RANBP2: variants seen among roughly 807,000 people sequenced by gnomAD.
The protein encoded by RANBP2 is E3 SUMO-protein ligase RanBP2.
Under a neutral mutation model 303.6 loss-of-function variants are expected in RANBP2, and 57 were observed. The observed-to-expected ratio is 0.19, with a 90% CI of 0.15 to 0.23. The LOEUF (loss-of-function observed/expected upper bound fraction) is 0.23, where lower values mean the gene tolerates loss of function less well. Ranked by LOEUF, RANBP2 falls within the 10% of genes least tolerant of loss-of-function variation. The pLI, the probability that RANBP2 is intolerant of heterozygous loss-of-function variation, is 1.00. For synonymous variants in RANBP2, 1,167 were observed against 1,301.5 expected (o/e 0.90, Z 2.23); for missense variants, 3,138 against 3,780.8 (o/e 0.83, Z 4.46).
the RANBP2 span, chr2:108,940,200 GC>G: frequency 6.6e-6 from 1 of 152,316 alleles, no homozygotes; most frequent in Non-Finnish European, 1.5e-5. Flanking sequence ...AAAGATGACT[GC>G]CATTATTACG....
the RANBP2 span, chr2:109,613,309 C>A: frequency 1.9e-6 from 1 of 528,600 alleles, no homozygotes; most frequent in Non-Finnish European, 2.9e-6. Flanking sequence ...GGTTTAAAAT[C>A]CCAATGGAGG....
chr2:109,196,671 G>C, the RANBP2 span, among the ~76,000 whole-genome samples: 31 of 152,330 alleles, frequency 2.0e-4, no homozygotes, highest in Middle Eastern at 3.4e-3. Flanking sequence ...AGGTCTGGTT[G>C]CAGTGAGGGG....
chr2:109,628,141 C>T, the RANBP2 span, among the ~76,000 whole-genome samples: 39 of 152,116 alleles, frequency 2.6e-4, no homozygotes, highest in Non-Finnish European at 4.6e-4. Flanking sequence ...CCTGCAGCCA[C>T]CCTCCATCAT....
At chr2:109,394,157 T>A in the RANBP2 span, among the ~76,000 whole-genome samples, 1 of 152,242 alleles carries the variant, frequency 6.6e-6, no homozygotes, top group African/African-American at 2.4e-5. Context: ...TCTTCAGTTT[T>A]TCTTACCTTT....
chr2:108,997,603 G>T, the RANBP2 span, among the ~76,000 whole-genome samples: 1 of 151,848 alleles, frequency 6.6e-6, no homozygotes, highest in South Asian at 2.1e-4. Context: ...TTAAGACACT[G>T]CTCTGTGGCC....
At chr2:109,442,640 C>A in the RANBP2 span, among the ~76,000 whole-genome samples, 1 of 152,044 alleles carries the variant, frequency 6.6e-6, no homozygotes, top group African/African-American at 2.4e-5. Flanking sequence ...TACTATGAAT[C>A]TTTATGTTAT....
chr2:108,878,072 A>G, the RANBP2 span, among the ~76,000 whole-genome samples: 198 of 152,344 alleles, frequency 1.3e-3, no homozygotes, highest in African/African-American at 4.6e-3. Context: ...ACTATTCTGG[A>G]GAAAGAAATG....
the RANBP2 span, among the ~76,000 whole-genome samples, chr2:109,151,264 C>T: frequency 6.6e-6 from 1 of 152,162 alleles, no homozygotes; most frequent in African/African-American, 2.4e-5. Context: ...GTTTGTGGGG[C>T]TCCATGTTTG....
chr2:108,764,170 T>C lies in RANBP2; in HGVS notation c.3631T>C (p.Trp1211Arg). The C allele has an allele frequency of 1.2e-6, 2 of 1,614,016 alleles. No homozygotes were observed. Among genetic ancestry groups the C allele is most frequent in the African/African-American group, 1.3e-5 (1 of 75,014 alleles). ...TCGTTTCGATGTAGAATCCAAAGAA[T>C]GGAAAGAACGTGGGATTGGCAATGT... Reference protein sequence around the residue: ...LFRFDVESKEWKERGIGNVKI... With the variant: ...LFRFDVESKERKERGIGNVKI... Residue 1211 changes from tryptophan (W) to arginine (R), a missense_variant, in exon 20 of 29, where the codon TGG (tryptophan) becomes CGG (arginine). Trp to Arg is a moderately radical substitution (Grantham distance 101). Coordinates refer to ENST00000283195, the MANE Select transcript of RANBP2 (RefSeq NM_006267.5).
the RANBP2 span, among the ~76,000 whole-genome samples, chr2:109,181,562 C>G: frequency 6.6e-6 from 1 of 152,210 alleles, no homozygotes; most frequent in Non-Finnish European, 1.5e-5. Flanking sequence ...ATGCCACACT[C>G]CTACTTTCAC....
intron 4 of RANBP2, among the ~76,000 whole-genome samples, chr2:108,732,531 T>G (rs185474788): frequency 6.6e-6 from 1 of 152,314 alleles, no homozygotes; most frequent in East Asian, 1.9e-4. Flanking sequence ...ACTCAACCTG[T>G]TTAACCCGAC....
At chr2:109,469,285 C>T in the RANBP2 span, among the ~76,000 whole-genome samples, 1 of 152,242 alleles carries the variant, frequency 6.6e-6, no homozygotes, top group Admixed American at 6.5e-5. Flanking sequence ...GCCCTAAAGA[C>T]ACCACCTCAC....
chr2:109,260,537 G>A, the RANBP2 span, among the ~76,000 whole-genome samples: 242 of 152,284 alleles, frequency 1.6e-3, no homozygotes, highest in African/African-American at 5.6e-3. Flanking sequence ...CACTTGTAGC[G>A]TGGGCACAGG....
chr2:109,259,577 A>G, the RANBP2 span, among the ~76,000 whole-genome samples: 9 of 152,320 alleles, frequency 5.9e-5, no homozygotes, highest in South Asian at 2.1e-4. Context: ...TTCTTCCACA[A>G]TGCCCTGGAG....
chr2:109,457,835 A>G, the RANBP2 span, among the ~76,000 whole-genome samples: 1 of 152,202 alleles, frequency 6.6e-6, no homozygotes, highest in African/African-American at 2.4e-5. Context: ...AAACTACATC[A>G]GAAGGTAATG....
At chr2:109,592,252 G>A in the RANBP2 span, among the ~76,000 whole-genome samples, 5 of 151,656 alleles carry the variant, frequency 3.3e-5, no homozygotes, top group Non-Finnish European at 7.4e-5. Context: ...ATCACTTGAG[G>A]CCAGGAGTTC....
chr2:108,954,636 C>T, the RANBP2 span, among the ~76,000 whole-genome samples: 11 of 152,148 alleles, frequency 7.2e-5, no homozygotes, highest in Admixed American at 4.6e-4. Flanking sequence ...GTCACATTCC[C>T]TCAGTGACCT....
the RANBP2 span, among the ~76,000 whole-genome samples, chr2:109,036,819 G>C: frequency 2.0e-5 from 3 of 152,024 alleles, no homozygotes; most frequent in African/African-American, 4.8e-5. Flanking sequence ...ACTAGCCTGG[G>C]CAACATGGCA....
At chr2:109,320,118 G>A in the RANBP2 span, among the ~76,000 whole-genome samples, 1 of 152,134 alleles carries the variant, frequency 6.6e-6, no homozygotes, top group East Asian at 1.9e-4. Context: ...TCCTACTAGT[G>A]CTCCTGTAAA....
Sources: gnomAD v4.1 joint callset for allele counts (sites outside exome capture counted in the v4.1 genomes callset) on GRCh38, gnomAD v4.1.1 for gene constraint, MANE v1.5 for transcripts, NCBI Gene and HGNC (gene_info 2026-07-23, HGNC 2026-07-21) for gene names.